ERP44: variants seen among roughly 807,000 people sequenced by gnomAD.
ERP44 encodes endoplasmic reticulum resident protein 44.
In ERP44, 25 loss-of-function variants were observed where a neutral mutation model predicts 53.4. That is an observed-to-expected ratio of 0.47 (90% CI 0.34 to 0.65). ERP44 has a LOEUF of 0.65. Ranked by LOEUF, ERP44 falls within the 30% of genes least tolerant of loss-of-function variation. ERP44 has a pLI of 0.01. For missense variants in ERP44, 338 were observed against 493.2 expected, an observed-to-expected ratio of 0.69 and a Z score of 2.98; for synonymous variants, 145 against 161.2, an observed-to-expected ratio of 0.90 and a Z score of 0.76.
chr9:99,998,982 G>C (rs901726516), intron 10 of ERP44: 75 of 1,382,122 alleles, frequency 5.4e-5, no homozygotes, highest in Admixed American at 2.7e-4. Flanking sequence ...ATCTCAGGTC[G>C]GCGGCAAAGA....
At chr9:100,079,028 T>C (rs574546634) in intron 1 of ERP44, among the ~76,000 whole-genome samples, 2 of 152,266 alleles carry the variant, frequency 1.3e-5, no homozygotes, top group South Asian at 4.2e-4. Flanking sequence ...TTGTGATGGT[T>C]AACACTGAGT....
At chr9:100,023,911 T>C (rs1830623833) in intron 4 of ERP44, among the ~76,000 whole-genome samples, 1 of 152,076 alleles carries the variant, frequency 6.6e-6, no homozygotes, top group Non-Finnish European at 1.5e-5. Context: ...TCCCAGAAGT[T>C]TGGGAGAATG....
chr9:100,003,262 T>C (rs971353507), intron 10 of ERP44, among the ~76,000 whole-genome samples: 2 of 152,236 alleles, frequency 1.3e-5, no homozygotes, highest in African/African-American at 4.8e-5. Flanking sequence ...AAAACAATTA[T>C]TCTGAATTCT....
chr9:100,011,481 A>G (rs1002506244), intron 8 of ERP44, among the ~76,000 whole-genome samples: 3 of 152,194 alleles, frequency 2.0e-5, no homozygotes, highest in African/African-American at 7.2e-5. Flanking sequence ...AGAATTATGT[A>G]TATACTAGTG....
At chr9:99,999,165 C>CCACCCT in intron 10 of ERP44, 1 of 538,522 alleles carries the variant, frequency 1.9e-6, no homozygotes, top group Admixed American at 3.4e-5. Flanking sequence ...CTCCGCCCCC[C>CCACCCT]GACCCTGTCC....
intron 1 of ERP44, among the ~76,000 whole-genome samples, chr9:100,089,299 G>T (rs1826521867): frequency 6.6e-6 from 1 of 152,176 alleles, no homozygotes; most frequent in African/African-American, 2.4e-5. Context: ...CCAAAGAGAG[G>T]CCAGGCGTGG....
At chr9:100,049,041 G>A (rs1309908674) in intron 4 of ERP44, among the ~76,000 whole-genome samples, 1 of 152,118 alleles carries the variant, frequency 6.6e-6, no homozygotes, top group Non-Finnish European at 1.5e-5. Context: ...AAAAATACAA[G>A]GGTAGAATGG....
intron 4 of ERP44, among the ~76,000 whole-genome samples, chr9:100,042,753 A>C (rs1825919731): frequency 6.6e-6 from 1 of 152,196 alleles, no homozygotes; most frequent in Non-Finnish European, 1.5e-5. Context: ...AGATCCTGTC[A>C]CTTGCAACAA....
Position 99,979,838 on chromosome 9 carries a change from A to G in ERP44, c.*2774T>C, listed in dbSNP as rs1830129299. ...GTCTAAATTTGAGACGTGCTTCCAC[A>G]CTATTCTTTCTCAAACTTTAAAGTG... On this transcript the variant is annotated 3_prime_UTR_variant, in exon 12 of 12. Coordinates refer to ENST00000262455, the MANE Select transcript of ERP44 (RefSeq NM_015051.3). 7.6e-6 allele frequency: 3 copies of G among 397,224 alleles called. No homozygotes were observed. The highest frequency in any genetic ancestry group is 1.3e-5 in the Non-Finnish European group (3 of 225,506). The allele number at this position is 397,224 out of a possible 1,614,324, so 24.6% of individuals were successfully genotyped here.
intron 11 of ERP44, among the ~76,000 whole-genome samples, chr9:99,982,988 A>G (rs976270300): frequency 3.3e-5 from 5 of 152,148 alleles, no homozygotes; most frequent in Non-Finnish European, 4.4e-5. Flanking sequence ...GGACCAAAAT[A>G]CCTGACACCT....
chr9:100,083,856 CG>C (rs1000698896), intron 1 of ERP44, among the ~76,000 whole-genome samples: 2 of 152,118 alleles, frequency 1.3e-5, no homozygotes, highest in African/African-American at 4.8e-5. Flanking sequence ...TGCAATAGGA[CG>C]GGAGAAAAGC....
chr9:100,026,139 T>G (rs966731939), intron 4 of ERP44, among the ~76,000 whole-genome samples: 7 of 152,218 alleles, frequency 4.6e-5, no homozygotes, highest in African/African-American at 1.7e-4. Flanking sequence ...GGCTGAGAAT[T>G]ATACCTGCAT....
chr9:100,033,844 C>T (rs895197666), intron 4 of ERP44, among the ~76,000 whole-genome samples: 2 of 152,188 alleles, frequency 1.3e-5, no homozygotes, highest in African/African-American at 4.8e-5. Flanking sequence ...CTTTCTGACT[C>T]AGCTCCTCTC....
chr9:99,998,328 ATC>A, intron 10 of ERP44: 1 of 511,486 alleles, frequency 2.0e-6, no homozygotes. Context: ...TGTTCTCAGG[ATC>A]TGTCCCCGAA....
chr9:99,994,897 C>T (rs143380742), intron 10 of ERP44, among the ~76,000 whole-genome samples: 59 of 152,306 alleles, frequency 3.9e-4, no homozygotes, highest in East Asian at 2.3e-3. Context: ...TACAATGAAT[C>T]TAGCTGAGAT....
At chr9:100,006,767 A>G in intron 9 of ERP44, 120 bp from the exon 10 acceptor site, 1 of 628,168 alleles carries the variant, frequency 1.6e-6, no homozygotes, top group Non-Finnish European at 2.6e-6. Flanking sequence ...CTTAAGAGTA[A>G]TATAGATCAG....
rs538897042 is a variant in ERP44 at position 100,015,060 on chromosome 9, C to T, written c.762+1262G>A. Among the ~76,000 whole-genome samples, 766 of 152,212 alleles carry T rather than the reference C, an allele frequency of 5.0e-3. 4 individuals are homozygous for T. Among genetic ancestry groups the T allele is most frequent in the Non-Finnish European group, 9.0e-3 (611 of 68,004 alleles). On this transcript the variant is annotated intron_variant, in intron 8 of 11. Coordinates refer to ENST00000262455, the MANE Select transcript of ERP44 (RefSeq NM_015051.3). The stretch of plus-strand genomic sequence containing the variant: ...GGTCTCTTTTATGAGTTCACTAATC[C>T]CATTCATGAGGACTCCATCTCATGA...
chr9:99,998,619 A>T (rs915887264), intron 10 of ERP44: 23 of 761,022 alleles, frequency 3.0e-5, no homozygotes, highest in Non-Finnish European at 2.0e-5. Flanking sequence ...TGTGCTTCAG[A>T]TTCTTTTTCT....
chr9:100,039,462 A>G (rs1007674022), intron 4 of ERP44, among the ~76,000 whole-genome samples: 1 of 152,206 alleles, frequency 6.6e-6, no homozygotes, highest in Non-Finnish European at 1.5e-5. Flanking sequence ...TAAGAAGGAA[A>G]TTGAAAATTT....
Sources: allele counts gnomAD v4.1 joint callset (sites outside exome capture counted in the v4.1 genomes callset), GRCh38; gene constraint gnomAD v4.1.1; transcripts MANE v1.5; gene names NCBI Gene and HGNC (gene_info 2026-07-23, HGNC 2026-07-21).